The following RPGRIP1 variants were observed in gnomAD, a reference collection of about 807,000 sequenced individuals.
RPGRIP1 encodes RPGR interacting protein 1.
In RPGRIP1, 128 loss-of-function variants were observed where a neutral mutation model predicts 157.9. The observed-to-expected ratio is 0.81, with a 90% CI of 0.70 to 0.94. RPGRIP1 has a LOEUF of 0.94. Ranked by LOEUF, RPGRIP1 falls within the 40% of genes least tolerant of loss-of-function variation. RPGRIP1 has a pLI of 0.00. For synonymous variants in RPGRIP1, 554 were observed against 571.6 expected (o/e 0.97, Z 0.44); for missense variants, 1,486 against 1,545.8 (o/e 0.96, Z 0.65).
At chr14:21,335,362 C>T (rs1390147532) in intron 21 of RPGRIP1, among the ~76,000 whole-genome samples, 1 of 151,928 alleles carries the variant, frequency 6.6e-6, no homozygotes, top group Non-Finnish European at 1.5e-5. Context: ...CTAAGGAAAA[C>T]GGGTTTGCTT....
At chr14:21,298,252 A>G (rs1880877744) in intron 3 of RPGRIP1, among the ~76,000 whole-genome samples, 1 of 152,042 alleles carries the variant, frequency 6.6e-6, no homozygotes, top group Non-Finnish European at 1.5e-5. Flanking sequence ...TAGTTCCAAC[A>G]CTTTGGGAGG....
At chr14:21,324,510 C>T in intron 14 of RPGRIP1, 108 bp from the exon 15 acceptor site, 1 of 926,172 alleles carries the variant, frequency 1.1e-6, no homozygotes, top group Non-Finnish European at 1.7e-6. Flanking sequence ...GAAATAATCA[C>T]AACTTGGACT....
intron 21 of RPGRIP1, among the ~76,000 whole-genome samples, chr14:21,339,711 G>T (rs1306449096): frequency 1.3e-5 from 2 of 152,114 alleles, no homozygotes; most frequent in African/African-American, 4.8e-5. Context: ...TTCATACTGT[G>T]TGCCAAGTGC....
chr14:21,328,980 C>T (rs1883415401), intron 19 of RPGRIP1, among the ~76,000 whole-genome samples: 1 of 152,008 alleles, frequency 6.6e-6, no homozygotes, highest in Non-Finnish European at 1.5e-5. Flanking sequence ...CCTGTCTCTA[C>T]TAAAAATACA....
intron 3 of RPGRIP1, among the ~76,000 whole-genome samples, chr14:21,299,480 A>G (rs1447741461): frequency 1.3e-5 from 2 of 152,020 alleles, no homozygotes; most frequent in African/African-American, 4.8e-5. Context: ...TTACATAGCT[A>G]TTTTACACCT....
intron 23 of RPGRIP1, 65 bp from the exon 24 acceptor site, chr14:21,348,107 C>T: frequency 1.6e-6 from 2 of 1,280,608 alleles, no homozygotes; most frequent in Non-Finnish European, 2.1e-6. Context: ...TTACTTTTAT[C>T]CTTATTTTAT....
intron 20 of RPGRIP1, 85 bp downstream of exon 20, chr14:21,330,472 G>C: frequency 1.0e-6 from 1 of 991,684 alleles, no homozygotes; most frequent in Non-Finnish European, 1.3e-6. Context: ...TTCAAGAGCA[G>C]CCTGGCCAAC....
At chr14:21,311,032 G>A in intron 8 of RPGRIP1, 1 of 460,810 alleles carries the variant, frequency 2.2e-6, no homozygotes, top group South Asian at 1.6e-5. Flanking sequence ...GAATGTCTGT[G>A]CTTAAGAATC....
At chr14:21,315,518 A>C (rs922542483) in intron 10 of RPGRIP1, among the ~76,000 whole-genome samples, 3 of 129,666 alleles carry the variant, frequency 2.3e-5, no homozygotes, top group Admixed American at 7.9e-5. Flanking sequence ...AAAAAAAAAA[A>C]AACAAAAAAC....
intron 11 of RPGRIP1, among the ~76,000 whole-genome samples, chr14:21,318,722 G>A (rs901672654): frequency 1.3e-5 from 2 of 152,038 alleles, no homozygotes; most frequent in Non-Finnish European, 2.9e-5. Flanking sequence ...TGATCCACCC[G>A]CCTCAGCCTC....
intron 19 of RPGRIP1, 146 bp from the exon 20 acceptor site, chr14:21,330,099 CAGAG>C: frequency 2.6e-6 from 1 of 380,842 alleles, no homozygotes; most frequent in Non-Finnish European, 4.2e-6. Flanking sequence ...GCCTGAGTGA[CAGAG>C]GGAGACTCTG....
chr14:21,320,156 G>T lies in RPGRIP1; in HGVS notation c.1446G>T (p.Leu482Phe). ...QSEPATHPAV[L>F]QENTQIEPSE... is the part of the protein sequence containing the mutation. ...AACCAGCCACTCACCCAGCTGTATT[G>T]CAAGAGAACACTCAGATCGAGGTAA... Residue 482 changes from leucine to phenylalanine, a missense_variant, in exon 12 of 25, where the codon TTG becomes TTT. Physicochemically the swap from Leu to Phe is conservative, Grantham distance 22 (BLOSUM62 0). Transcript: ENST00000400017. 6.2e-7 allele frequency: 1 copy of T among 1,613,908 alleles called. No homozygotes were observed. Among genetic ancestry groups the T allele is most frequent in the Non-Finnish European group, 8.5e-7 (1 of 1,179,872 alleles).
intron 2 of RPGRIP1, among the ~76,000 whole-genome samples, chr14:21,291,946 G>A (rs1301930265): frequency 6.6e-6 from 1 of 152,152 alleles, no homozygotes; most frequent in African/African-American, 2.4e-5. Flanking sequence ...TTTTAGTAGA[G>A]ACGGGGTTTC....
chr14:21,312,028 G>T, intron 9 of RPGRIP1, 58 bp downstream of exon 9: 3 of 1,476,036 alleles, frequency 2.0e-6, no homozygotes, highest in Non-Finnish European at 2.8e-6. Context: ...ATGTTAGAAT[G>T]TGTATCTTAG....
chr14:21,287,049 G>GAGGAAGGA (rs149606390), intron 1 of RPGRIP1, among the ~76,000 whole-genome samples: 1 of 150,452 alleles, frequency 6.6e-6, no homozygotes, highest in African/African-American at 2.5e-5. Context: ...GAAAGAAAGA[G>GAGGAAGGA]AGGAAGGAAG....
At chr14:21,317,592 G>T in intron 10 of RPGRIP1, 104 bp from the exon 11 acceptor site, 1 of 1,544,668 alleles carries the variant, frequency 6.5e-7, no homozygotes. Flanking sequence ...ACATGTAGGG[G>T]AGAGAATGAG....
intron 18 of RPGRIP1, among the ~76,000 whole-genome samples, 188 bp downstream of exon 18, chr14:21,327,995 C>G (rs1219679431): frequency 6.6e-6 from 1 of 152,062 alleles, no homozygotes; most frequent in African/African-American, 2.4e-5. Context: ...ATGGGGAAAC[C>G]CTGCCTCTAC....
Position 21,334,680 on chromosome 14 carries a change from C to A in RPGRIP1, c.3314C>A (p.Pro1105His). The A allele has an allele frequency of 6.2e-7, 1 of 1,605,576 alleles. No individual in the cohort carries two copies. ...TTDSDDVIVP[P>H]MSQKYPKADS... ...GACAGTGATGATGTCATAGTGCCACCCATGTCTCAGAAATATCCTAAGGCA... is the reference window on the plus strand; with the variant it reads ...GACAGTGATGATGTCATAGTGCCACACATGTCTCAGAAATATCCTAAGGCA... The change falls in exon 21 of 25, where the codon CCC (proline) becomes CAC (histidine). Residue 1105 changes from proline to histidine, a missense_variant. Coordinates refer to ENST00000400017, the MANE Select transcript of RPGRIP1 (RefSeq NM_020366.4).
chr14:21,280,325 C>T lies in RPGRIP1; in HGVS notation c.-39+166C>T, dbSNP rs185036067. ...CCGGCACTATCTCTGCTCACTGCAA[C>T]CTCTGCCTCCCAGGTTCAAGCGATT... On this transcript the variant is annotated intron_variant, in intron 1 of 24. Coordinates refer to ENST00000400017, the MANE Select transcript of RPGRIP1 (RefSeq NM_020366.4). Among the ~76,000 whole-genome samples, 337 of 147,314 alleles carry T rather than the reference C, an allele frequency of 2.3e-3. 4 individuals are homozygous for T. Among genetic ancestry groups the T allele is most frequent in the Admixed American group, 0.018 (264 of 14,372 alleles).
Sources: allele counts gnomAD v4.1 joint callset (sites outside exome capture counted in the v4.1 genomes callset), GRCh38; gene constraint gnomAD v4.1.1; transcripts MANE v1.5; gene names NCBI Gene and HGNC (gene_info 2026-07-23, HGNC 2026-07-21).